STARD10: variants seen among roughly 807,000 people sequenced by gnomAD.
The protein encoded by STARD10 is START domain-containing protein 10.
In STARD10, 24 loss-of-function variants were observed where a neutral mutation model predicts 36.0. That is an observed-to-expected ratio of 0.67 (90% CI 0.48 to 0.94). The LOEUF (loss-of-function observed/expected upper bound fraction) is 0.94. Among genes scored for constraint, STARD10 ranks in the 40% least tolerant of loss-of-function variants. The probability of loss-of-function intolerance (pLI) is 0.00; values close to 1 mark genes in which losing one functional copy is unlikely to be tolerated. For missense variants in STARD10, 335 were observed against 396.6 expected (o/e 0.84, Z 1.32); for synonymous variants, 156 against 161.9 (o/e 0.96, Z 0.28).
intron 2 of STARD10, among the ~76,000 whole-genome samples, chr11:72,778,635 G>T (rs1041105200): frequency 5.3e-5 from 8 of 152,306 alleles, no homozygotes; most frequent in African/African-American, 1.9e-4. Flanking sequence ...GAGCAAAGCT[G>T]GGGAGGCACC....
chr11:72,765,648 C>T (rs1009833973), intron 2 of STARD10, among the ~76,000 whole-genome samples: 23 of 151,992 alleles, frequency 1.5e-4, no homozygotes, highest in African/African-American at 5.1e-4. Flanking sequence ...AATGAGATAA[C>T]GCATGTAATA....
At chr11:72,771,237 C>T (rs912227759) in intron 2 of STARD10, among the ~76,000 whole-genome samples, 1 of 152,104 alleles carries the variant, frequency 6.6e-6, no homozygotes, top group South Asian at 2.1e-4. Flanking sequence ...CAGCACCTGG[C>T]CAGAGGAGGA....
intron 1 of STARD10, among the ~76,000 whole-genome samples, chr11:72,792,388 A>C (rs1859158303): frequency 6.6e-6 from 1 of 151,758 alleles, no homozygotes. Flanking sequence ...TTGGATTTCT[A>C]TTTCTACATA....
At position 72,754,819 on chromosome 11, in the gene STARD10, G is replaced by A. The variant is rs1591261479; in HGVS notation, c.*78C>T. 1.3e-6 allele frequency: 2 copies of A among 1,538,928 alleles called. No homozygotes were observed. The highest frequency in any genetic ancestry group is 2.4e-5 in the East Asian group (1 of 41,716). ...CCGGTGCCACCAGGTGCCGGGTGGG[G>A]GAGGGGAGAAAGTGCAGGAGCGGCC... On this transcript the variant is annotated 3_prime_UTR_variant, in exon 7 of 7. Transcript: ENST00000334805.
In STARD10 at chr11:72,794,020, C is replaced by A. The variant is rs1380163074; in HGVS notation, c.-1259G>T. On this transcript the variant is annotated 5_prime_UTR_variant, in exon 1 of 7. Transcript: ENST00000334805. Reference sequence around the variant, plus strand: ...TCATCGCGTCACCAAGCCCCACGTGCAGGTTCTGGCATCCATCATGGCAAA... The same window carrying A: ...TCATCGCGTCACCAAGCCCCACGTGAAGGTTCTGGCATCCATCATGGCAAA... 6.6e-6 allele frequency: 1 copy of A among 152,242 alleles called. No homozygotes were observed. Among genetic ancestry groups the A allele is most frequent in the East Asian group, 1.9e-4 (1 of 5,204 alleles). The allele number at this position is 152,242 out of a possible 1,614,324, so 9.4% of individuals were successfully genotyped here.
chr11:72,757,793 G>A lies in STARD10; in HGVS notation c.551C>T (p.Thr184Ile). ...TTTGGGGTCCACCTGGGCCAGGTAG[G>A]TGATGACGCAGCTCTTGGGCCCTGT... ...QSTGPKSCVITYLAQVDPKGS... is the reference protein window; with the variant it reads ...QSTGPKSCVIIYLAQVDPKGS... Residue 184 changes from threonine (T) to isoleucine (I), a missense_variant, in exon 5 of 7, where the codon ACC becomes ATC. Physicochemically the swap from Thr to Ile is moderately conservative, Grantham distance 89. Coordinates refer to ENST00000334805, the MANE Select transcript of STARD10 (RefSeq NM_006645.3). The A allele has an allele frequency of 6.2e-7, 1 of 1,614,188 alleles. No individual in the cohort carries two copies. Among genetic ancestry groups the A allele is most frequent in the South Asian group, 1.1e-5 (1 of 91,084 alleles).
rs1025810651 is a variant in STARD10 at position 72,793,801 on chromosome 11, G to A, written c.-1040C>T. 6.6e-6 allele frequency: 1 copy of A among 152,216 alleles called. No individual in the cohort carries two copies. The highest frequency in any genetic ancestry group is 1.5e-5 in the Non-Finnish European group (1 of 68,048). The allele number at this position is 152,216 out of a possible 1,614,324, so 9.4% of individuals were successfully genotyped here. ...CGCCCAGAGGTCCCGGACTAGGGGC[G>A]GACTAGGGGCCGCTCTGCCTCCCGC... On this transcript the variant is annotated 5_prime_UTR_variant, in exon 1 of 7. Coordinates refer to ENST00000334805, the MANE Select transcript of STARD10 (RefSeq NM_006645.3).
intron 5 of STARD10, 53 bp downstream of exon 5, chr11:72,757,714 C>T (rs1858662359): frequency 3.3e-6 from 5 of 1,535,472 alleles, no homozygotes; most frequent in Non-Finnish European, 3.6e-6. Context: ...CAGGCCCCAC[C>T]CCTGTGGTAT....
intron 1 of STARD10, among the ~76,000 whole-genome samples, chr11:72,792,206 C>T (rs371112992): frequency 3.6e-4 from 54 of 151,794 alleles, no homozygotes; most frequent in African/African-American, 1.2e-3. Flanking sequence ...CCCGCCACAA[C>T]GCCCGGTTAA....
intron 2 of STARD10, among the ~76,000 whole-genome samples, chr11:72,774,583 C>T (rs1858906531): frequency 6.6e-6 from 1 of 152,222 alleles, no homozygotes; most frequent in African/African-American, 2.4e-5. Context: ...CTGTCTCAAG[C>T]CCAACACGTA....
chr11:72,761,293 C>A (rs1858713181), intron 2 of STARD10, among the ~76,000 whole-genome samples: 2 of 152,108 alleles, frequency 1.3e-5, no homozygotes, highest in Admixed American at 1.3e-4. Flanking sequence ...GACTGACTGG[C>A]AGGACATAAC....
intron 2 of STARD10, among the ~76,000 whole-genome samples, chr11:72,777,904 A>G (rs2135622827): frequency 6.6e-6 from 1 of 152,250 alleles, no homozygotes; most frequent in South Asian, 2.1e-4. Flanking sequence ...TGGCTTTCCC[A>G]GCTCTGGGGA....
intron 2 of STARD10, 23 bp downstream of exon 2, chr11:72,780,952 G>A (rs1283263895): frequency 1.9e-6 from 3 of 1,611,996 alleles, no homozygotes; most frequent in East Asian, 2.2e-5. Context: ...AGTGGAGGCT[G>A]CAGGTATAGC....
intron 2 of STARD10, among the ~76,000 whole-genome samples, chr11:72,771,921 C>G (rs1858863373): frequency 6.6e-6 from 1 of 152,164 alleles, no homozygotes; most frequent in East Asian, 1.9e-4. Context: ...GAGGCCAGGG[C>G]TGACTTCAGA....
intron 2 of STARD10, chr11:72,780,743 G>A (rs1858982121): frequency 3.5e-6 from 2 of 574,726 alleles, no homozygotes; most frequent in Admixed American, 3.0e-5. Context: ...AGAAGCCTGG[G>A]TTCCAGCTGA....
At chr11:72,764,083 C>G (rs1224919388) in intron 2 of STARD10, among the ~76,000 whole-genome samples, 3 of 152,174 alleles carry the variant, frequency 2.0e-5, no homozygotes, top group Non-Finnish European at 4.4e-5. Context: ...CTCTGCAAAT[C>G]TTCAAACATG....
chr11:72,756,857 T>G (rs1591262527), intron 5 of STARD10, among the ~76,000 whole-genome samples: 1 of 152,042 alleles, frequency 6.6e-6, no homozygotes, highest in African/African-American at 2.4e-5. Flanking sequence ...TAAGAATCAG[T>G]GACGGGGGCT....
At chr11:72,769,749 A>G (rs750888499) in intron 2 of STARD10, among the ~76,000 whole-genome samples, 1 of 152,252 alleles carries the variant, frequency 6.6e-6, no homozygotes, top group Non-Finnish European at 1.5e-5. Context: ...ATTCATGAGT[A>G]TATTATTGAA....
intron 2 of STARD10, among the ~76,000 whole-genome samples, chr11:72,778,231 G>C (rs796597041): frequency 3.2e-4 from 48 of 152,358 alleles, no homozygotes; most frequent in African/African-American, 1.2e-3. Context: ...AGCCAGGCTG[G>C]CATGGGTTCC....
Sources: allele counts gnomAD v4.1 joint callset (sites outside exome capture counted in the v4.1 genomes callset), GRCh38; gene constraint gnomAD v4.1.1; transcripts MANE v1.5; gene names NCBI Gene and HGNC (gene_info 2026-07-23, HGNC 2026-07-21).